The following COX7A2L variants were observed in gnomAD, a reference collection of about 807,000 sequenced individuals.
The protein encoded by COX7A2L is cytochrome c oxidase subunit 7A2-like, mitochondrial.
A neutral mutation model predicts 14.2 loss-of-function variants in COX7A2L; 18 were observed. That is an observed-to-expected ratio of 1.27 (90% CI 0.88 to 1.88). The LOEUF is 1.88. COX7A2L is among the 40% of genes most tolerant of loss of function. The pLI, the probability that COX7A2L is intolerant of heterozygous loss-of-function variation, is 0.00. For missense variants in COX7A2L, 179 were observed against 138.8 expected (o/e 1.29, Z -1.46); for synonymous variants, 65 against 57.4 (o/e 1.13, Z -0.60).
At chr2:42,345,008 C>G, downstream of COX7A2L, among the ~76,000 whole-genome samples, 1 of 152,084 alleles carries the variant, frequency 6.6e-6, no homozygotes, top group South Asian at 2.1e-4. Context: ...TTTTCATAAA[C>G]AGAAGGGAAT....
Position 42,351,101 on chromosome 2 carries a change from T to C in COX7A2L, c.*118A>G, listed in dbSNP as rs931503548. ...CCAAAACATCATCTTCATATCTTCC[T>C]ATTTTTCTTGCAAAAATGTTAAGCC... On this transcript the variant is annotated 3_prime_UTR_variant, in exon 3 of 3. Transcript: ENST00000234301. 17 of 1,134,356 alleles carry C rather than the reference T, an allele frequency of 1.5e-5. No individual in the cohort carries two copies. The African/African-American group carries it at 2.7e-4, about 18-fold the overall frequency. 70.3% of individuals were successfully genotyped at this position (1,134,356 alleles called of 1,614,324 possible).
At chr2:42,364,250 CAAA>C (rs35151680), upstream of COX7A2L, among the ~76,000 whole-genome samples, 22 of 85,412 alleles carry the variant, frequency 2.6e-4, no homozygotes, top group Admixed American at 4.0e-4. Context: ...GACTCCGTCT[CAAA>C]AAAAAAAAAA....
chr2:42,353,700 C>A (rs1325175987), intron 1 of COX7A2L, among the ~76,000 whole-genome samples: 1 of 152,152 alleles, frequency 6.6e-6, no homozygotes, highest in Non-Finnish European at 1.5e-5. Context: ...AACCCCAGAG[C>A]AGACTTCAGA....
chr2:42,350,604 A>G lies in COX7A2L; in HGVS notation c.*615T>C, dbSNP rs528724083. 1 of 152,216 alleles carries G rather than the reference A, an allele frequency of 6.6e-6. No homozygotes were observed. Among genetic ancestry groups the G allele is most frequent in the Non-Finnish European group, 1.5e-5 (1 of 68,042 alleles). 9.4% of individuals were successfully genotyped at this position (152,216 alleles called of 1,614,324 possible). A position where few individuals can be genotyped will look rare whatever the true frequency, so the allele number is the denominator to read the frequency against. On this transcript the variant is annotated 3_prime_UTR_variant, in exon 3 of 3. Transcript: ENST00000234301. ...AATTTGTGGCACAGCTGCATTAACA[A>G]AACAGACACCAGTCTAAAGTGCAAC...
Position 42,353,110 on chromosome 2 carries a change from A to G in COX7A2L, c.204+102T>C, listed in dbSNP as rs758182118. 552 of 1,383,904 alleles carry G rather than the reference A, an allele frequency of 4.0e-4. 1 individual carries two copies. Among genetic ancestry groups the G allele is most frequent in the South Asian group, 4.9e-4 (37 of 75,304 alleles). 85.7% of individuals were successfully genotyped at this position (1,383,904 alleles called of 1,614,324 possible). ...AAGAGAATACTACTTAAAGAAAAAGAAGGAGGGTGGGTAGTAAACTAGATT... is the reference window on the plus strand; with the variant it reads ...AAGAGAATACTACTTAAAGAAAAAGGAGGAGGGTGGGTAGTAAACTAGATT... On this transcript the variant is annotated intron_variant, in intron 2 of 2. Transcript: ENST00000234301.
chr2:42,351,467 T>G, intron 2 of COX7A2L, 108 bp from the exon 3 acceptor site: 1 of 1,268,784 alleles, frequency 7.9e-7, no homozygotes, highest in Non-Finnish European at 1.1e-6. Context: ...CATCAACACA[T>G]GACAGTGGGA....
chr2:42,362,775 G>C (rs978504916), upstream of COX7A2L, among the ~76,000 whole-genome samples: 2 of 151,656 alleles, frequency 1.3e-5, no homozygotes, highest in African/African-American at 4.8e-5. Context: ...CTTTTACAAA[G>C]AGACACTGTG....
intron 2 of COX7A2L, among the ~76,000 whole-genome samples, chr2:42,340,201 G>C (rs1403775900): frequency 6.6e-6 from 1 of 151,984 alleles, no homozygotes; most frequent in East Asian, 1.9e-4. Context: ...CACTCACCCA[G>C]AAGCCAAGCT....
intron 1 of COX7A2L, among the ~76,000 whole-genome samples, chr2:42,357,108 G>C (rs767664282): frequency 6.6e-6 from 1 of 152,114 alleles, no homozygotes; most frequent in Non-Finnish European, 1.5e-5. Flanking sequence ...TTTTTAAAGA[G>C]AAAAGTAAAC....
downstream of COX7A2L, among the ~76,000 whole-genome samples, chr2:42,345,836 C>G (rs1008733037): frequency 1.3e-5 from 2 of 152,310 alleles, no homozygotes; most frequent in East Asian, 1.9e-4. Flanking sequence ...CGTGGCCTAA[C>G]TGCATGGCCT....
At position 42,361,194 on chromosome 2, in the gene COX7A2L, C is replaced by T. The variant is rs550968076; in HGVS notation, c.-33G>A. 1.3e-6 allele frequency: 2 copies of T among 1,572,358 alleles called. No individual in the cohort carries two copies. The highest frequency in any genetic ancestry group is 1.7e-6 in the Non-Finnish European group (2 of 1,154,688). On this transcript the variant is annotated 5_prime_UTR_variant, in exon 1 of 3. Coordinates refer to ENST00000234301, the MANE Select transcript of COX7A2L (RefSeq NM_004718.4). ...AGAGTCCGGCTTCCCGCATCCGCTG[C>T]CAACGCGACCGCCCCAGAGAAGGAC... is the stretch of plus-strand genomic sequence containing the variant.
chr2:42,362,863 C>CTTTTTTTTTTTT (rs529125372), upstream of COX7A2L, among the ~76,000 whole-genome samples: 1 of 134,274 alleles, frequency 7.4e-6, no homozygotes, highest in Non-Finnish European at 1.6e-5. Context: ...TAGTGATTTC[C>CTTTTTTTTTTTT]TTTTTTTTTT....
At chr2:42,340,957 A>G (rs1302313360) in intron 2 of COX7A2L, among the ~76,000 whole-genome samples, 1 of 152,216 alleles carries the variant, frequency 6.6e-6, no homozygotes, top group African/African-American at 2.4e-5. Context: ...TCAGACCTGG[A>G]GCCAAAGAAA....
rs1670703374 is a variant in COX7A2L at position 42,353,232 on chromosome 2, C to G, written c.184G>C (p.Glu62Gln). Residue 62 changes from glutamate (E) to glutamine (Q), a missense_variant, in exon 2 of 3, where the codon GAG (glutamate) becomes CAG (glutamine). Transcript: ENST00000234301. ...YDYAGKNKVP[E>Q]LQKFFQKADG... The stretch of plus-strand genomic sequence containing the variant: ...CTCACCTGGAAAAACTTTTGTAGCT[C>G]TGGAACTTTGTTTTTCCCAGCATAA... 2.5e-6 allele frequency: 4 copies of G among 1,614,052 alleles called. No individual in the cohort carries two copies. Among genetic ancestry groups the G allele is most frequent in the African/African-American group, 1.3e-5 (1 of 75,034 alleles).
intron 2 of COX7A2L, among the ~76,000 whole-genome samples, chr2:42,337,559 A>G (rs1572780951): frequency 6.6e-6 from 1 of 152,128 alleles, no homozygotes; most frequent in East Asian, 1.9e-4. Flanking sequence ...CGTGGGGTCA[A>G]ATTCCATAGA....
chr2:42,335,637 T>C (rs537302494), intron 2 of COX7A2L, among the ~76,000 whole-genome samples: 2 of 152,310 alleles, frequency 1.3e-5, no homozygotes, highest in East Asian at 1.9e-4. Context: ...ATGAAGAAAC[T>C]TGAGGTACAC....
At chr2:42,354,786 T>C (rs559347163) in intron 1 of COX7A2L, among the ~76,000 whole-genome samples, 28 of 152,344 alleles carry the variant, frequency 1.8e-4, no homozygotes, top group African/African-American at 6.7e-4. Flanking sequence ...ACACTAGAAA[T>C]ACACAATGAA....
chr2:42,344,102 C>T (rs1355097199), intron 2 of COX7A2L, among the ~76,000 whole-genome samples: 2 of 152,192 alleles, frequency 1.3e-5, no homozygotes, highest in Non-Finnish European at 2.9e-5. Flanking sequence ...AAATTTACAT[C>T]TATGCATATC....
upstream of COX7A2L, among the ~76,000 whole-genome samples, chr2:42,363,684 C>CAGT (rs1671104637): frequency 6.6e-6 from 1 of 152,238 alleles, no homozygotes; most frequent in Admixed American, 6.5e-5. Context: ...CACACTCTGA[C>CAGT]AGTACTAAGG....
Sources: gnomAD v4.1 joint callset for allele counts (sites outside exome capture counted in the v4.1 genomes callset) on GRCh38, gnomAD v4.1.1 for gene constraint, MANE v1.5 for transcripts, NCBI Gene and HGNC (gene_info 2026-07-23, HGNC 2026-07-21) for gene names.